Variants in SNX4 observed in about 807,000 individuals in gnomAD.
SNX4 encodes the protein sorting nexin-4.
SNX4 carries 49 observed loss-of-function variants against 70.8 expected under a neutral mutation model. The observed-to-expected ratio is 0.69, with a 90% confidence interval of 0.55 to 0.88. The LOEUF (loss-of-function observed/expected upper bound fraction) is 0.88, where lower values mean the gene tolerates loss of function less well. Among genes scored for constraint, SNX4 ranks in the 40% least tolerant of loss-of-function variants. The pLI, the probability that SNX4 is intolerant of heterozygous loss-of-function variation, is 0.00. For synonymous variants in SNX4, 206 were observed against 183.8 expected, an observed-to-expected ratio of 1.12 and a Z score of -0.98; for missense variants, 528 against 544.8, an observed-to-expected ratio of 0.97 and a Z score of 0.31.
chr3:125,494,218 G>T (rs1934730568), intron 5 of SNX4, among the ~76,000 whole-genome samples: 1 of 151,996 alleles, frequency 6.6e-6, no homozygotes, highest in Non-Finnish European at 1.5e-5. Context: ...CATGTTCACA[G>T]AAATAAAGCT....
intron 1 of SNX4, among the ~76,000 whole-genome samples, chr3:125,508,574 A>AC (rs2107569461): frequency 6.6e-6 from 1 of 152,102 alleles, no homozygotes; most frequent in African/African-American, 2.4e-5. Context: ...CTCAAAAAAA[A>AC]AAAAAAAGAA....
intron 6 of SNX4, among the ~76,000 whole-genome samples, chr3:125,488,150 T>C (rs1282242254): frequency 1.1e-4 from 10 of 90,522 alleles, no homozygotes; most frequent in African/African-American, 5.4e-4. Context: ...CTGTAACTGC[T>C]GTAAAAAAAA....
At chr3:125,459,743 T>C (rs1380622897) in intron 10 of SNX4, among the ~76,000 whole-genome samples, 1 of 152,138 alleles carries the variant, frequency 6.6e-6, no homozygotes, top group Non-Finnish European at 1.5e-5. Flanking sequence ...TAGCCAACTT[T>C]CTTTTGCTTG....
At chr3:125,512,049 G>A (rs1001768143) in intron 1 of SNX4, among the ~76,000 whole-genome samples, 1 of 152,060 alleles carries the variant, frequency 6.6e-6, no homozygotes, top group Non-Finnish European at 1.5e-5. Flanking sequence ...CAGTCCTCAA[G>A]GCATTTTTAT....
At chr3:125,497,076 AACT>A (rs1337607834) in intron 5 of SNX4, among the ~76,000 whole-genome samples, 23 of 143,990 alleles carry the variant, frequency 1.6e-4, no homozygotes, top group African/African-American at 6.0e-4. Flanking sequence ...TATAAACACT[AACT>A]AAAAAAAAAA....
intron 6 of SNX4, among the ~76,000 whole-genome samples, chr3:125,485,402 A>C (rs950341482): frequency 2.0e-5 from 3 of 151,982 alleles, no homozygotes. Flanking sequence ...GGTTCAAGTT[A>C]TTCTCGTGCC....
intron 5 of SNX4, among the ~76,000 whole-genome samples, chr3:125,493,767 C>A (rs1934715021): frequency 6.6e-6 from 1 of 152,000 alleles, no homozygotes. Context: ...AACAGTGGCT[C>A]ACGCCTGTAA....
rs80303188 is a variant in SNX4, at chr3:125,462,935, C to T, written c.855-2075G>A. ...GAGCAGGACTAACTCATAGGCAGTA[C>T]ACCTAGAGTCGGCCTCGTGTGTTGG... On this transcript the variant is annotated intron_variant, in intron 9 of 13. Transcript: ENST00000251775. Among the ~76,000 whole-genome samples, 396 of 152,284 alleles carry T rather than the reference C, an allele frequency of 2.6e-3. 3 individuals carry two copies. The highest frequency in any genetic ancestry group is 8.4e-3 in the African/African-American group (348 of 41,562).
chr3:125,463,798 A>T (rs1241784495), intron 9 of SNX4, among the ~76,000 whole-genome samples: 1 of 152,210 alleles, frequency 6.6e-6, no homozygotes, highest in Non-Finnish European at 1.5e-5. Flanking sequence ...TTTTGTGGTG[A>T]GAATATTTAA....
chr3:125,478,668 T>C (rs1310995033), intron 7 of SNX4, among the ~76,000 whole-genome samples: 1 of 152,034 alleles, frequency 6.6e-6, no homozygotes, highest in Admixed American at 6.6e-5. Context: ...CCAAACCTCC[T>C]TCCTAAAAGC....
intron 1 of SNX4, 68 bp downstream of exon 1, chr3:125,519,964 G>GCCCCC: frequency 1.6e-5 from 14 of 902,792 alleles, no homozygotes; most frequent in East Asian, 5.7e-5. Context: ...GCCCAGCCCA[G>GCCCCC]CCCAGCCCAG....
chr3:125,502,475 C>A (rs1035599694), intron 2 of SNX4, among the ~76,000 whole-genome samples: 2 of 151,952 alleles, frequency 1.3e-5, no homozygotes, highest in Non-Finnish European at 2.9e-5. Flanking sequence ...GGCAGAAACA[C>A]AGACCTGGAA....
At chr3:125,512,419 A>C (rs1313856996) in intron 1 of SNX4, among the ~76,000 whole-genome samples, 12 of 152,204 alleles carry the variant, frequency 7.9e-5, no homozygotes, top group Admixed American at 7.9e-4. Flanking sequence ...AAAGCATAAA[A>C]TCAGCTATCA....
intron 2 of SNX4, 109 bp from the exon 3 acceptor site, chr3:125,498,303 T>A: frequency 9.6e-7 from 1 of 1,038,024 alleles, no homozygotes; most frequent in Non-Finnish European, 1.4e-6. Flanking sequence ...AACCAGGCAC[T>A]AAGTAAAGAA....
At chr3:125,497,444 A>G in intron 4 of SNX4, 56 bp from the exon 5 acceptor site, 1 of 1,077,512 alleles carries the variant, frequency 9.3e-7, no homozygotes, top group Non-Finnish European at 1.4e-6. Flanking sequence ...ATTCCAAATT[A>G]AGTAAATTAA....
chr3:125,502,762 G>A lies in SNX4; in HGVS notation c.263+1861C>T, dbSNP rs1417452591. Among the ~76,000 whole-genome samples, 3 of 149,140 alleles carry A rather than the reference G, an allele frequency of 2.0e-5. No individual in the cohort carries two copies. In the East Asian group the frequency reaches 6.1e-4, roughly 30 times the overall value. The stretch of plus-strand genomic sequence containing the variant: ...CCAGCTACTTGGGAGGCTAAGGCAG[G>A]TGAATCACTTGAACTCGGGAGGCAG... On this transcript the variant is annotated intron_variant, in intron 2 of 13. Transcript: ENST00000251775.
In SNX4 at chr3:125,497,980, C is replaced by G. The variant is rs1367728591; in HGVS notation, c.403G>C (p.Glu135Gln). The change falls in exon 4 of 14, where the codon GAA becomes CAA. Residue 135 changes from glutamate to glutamine, a missense_variant. This residue lies in a region of SNX4 where 341 missense variants were observed against 312.2 expected (regional missense o/e 1.09). Coordinates refer to ENST00000251775, the MANE Select transcript of SNX4 (RefSeq NM_003794.4). ...VVPPLPEKRA[E>Q]FVWHKLSADN... ...GCAGAGAGTTTATGCCAAACAAATT[C>G]TGCCTAGGTAAACAAAATAATCATT... 1 of 1,614,088 alleles carries G rather than the reference C, an allele frequency of 6.2e-7. No individual in the cohort carries two copies. Among genetic ancestry groups the G allele is most frequent in the Non-Finnish European group, 8.5e-7 (1 of 1,180,016 alleles).
intron 10 of SNX4, among the ~76,000 whole-genome samples, chr3:125,458,814 C>CAAAAAAAA (rs71148180): frequency 2.3e-4 from 15 of 64,528 alleles, no homozygotes; most frequent in Admixed American, 7.6e-4. Context: ...GACTCCGTCT[C>CAAAAAAAA]AAAAAAAAAA....
rs1559813421 is a variant in SNX4 at position 125,469,434 on chromosome 3, A to G, written c.854+20T>C. On this transcript the variant is annotated intron_variant, in intron 9 of 13. Transcript: ENST00000251775. ...ACAGGACTTCACCTCAGGCTTCACA[A>G]AAGTTCTCGAGGTACTTACACATCC... 3.1e-6 allele frequency: 5 copies of G among 1,592,802 alleles called. No homozygotes were observed. The highest frequency in any genetic ancestry group is 3.4e-6 in the Non-Finnish European group (4 of 1,161,512).
Sources: gnomAD v4.1 joint callset for allele counts (sites outside exome capture counted in the v4.1 genomes callset) on GRCh38, gnomAD v4.1.1 for gene constraint, gnomAD v4.1.1 regional missense constraint, MANE v1.5 for transcripts, NCBI Gene and HGNC (gene_info 2026-07-23, HGNC 2026-07-21) for gene names.